Variants in PTPRK observed in about 807,000 individuals in gnomAD.
PTPRK encodes protein tyrosine phosphatase receptor type K.
PTPRK carries 75 observed loss-of-function variants against 178.0 expected under a neutral mutation model. The ratio of observed to expected loss-of-function variants is 0.42; its 90% CI spans 0.35 to 0.51. The LOEUF (loss-of-function observed/expected upper bound fraction) is 0.51, where lower values mean the gene tolerates loss of function less well. Among genes scored for constraint, PTPRK ranks in the 20% least tolerant of loss-of-function variants. The probability of loss-of-function intolerance (pLI) is 0.02; values close to 1 mark genes in which losing one functional copy is unlikely to be tolerated. For synonymous variants in PTPRK, 637 were observed against 620.6 expected (o/e 1.03, Z -0.39); for missense variants, 1,441 against 1,797.8 (o/e 0.80, Z 3.59).
intron 1 of PTPRK, among the ~76,000 whole-genome samples, chr6:128,493,421 G>A (rs1854149278): frequency 1.3e-5 from 2 of 151,892 alleles, no homozygotes; most frequent in Non-Finnish European, 1.5e-5. Context: ...AATTAGCTGG[G>A]CATGGTGGCA....
chr6:128,382,015 C>G (rs1232073693), intron 2 of PTPRK, among the ~76,000 whole-genome samples: 1 of 151,504 alleles, frequency 6.6e-6, no homozygotes, highest in Admixed American at 6.6e-5. Flanking sequence ...AACCCCATCT[C>G]TACAAAAAAA....
chr6:128,297,345 G>C (rs963124658), intron 3 of PTPRK, among the ~76,000 whole-genome samples: 2 of 152,120 alleles, frequency 1.3e-5, no homozygotes, highest in Admixed American at 6.6e-5. Context: ...GGATACCCAG[G>C]AATTGAACTC....
At chr6:128,114,977 C>T (rs995049552) in intron 7 of PTPRK, among the ~76,000 whole-genome samples, 4 of 149,748 alleles carry the variant, frequency 2.7e-5, no homozygotes, top group East Asian at 1.9e-4. Context: ...TCTTATTCTG[C>T]GATTAAAAAA....
In PTPRK at chr6:128,106,264, T is replaced by C. The variant is rs143759112; in HGVS notation, c.1163-16272A>G. On this transcript the variant is annotated intron_variant, in intron 7 of 29. Coordinates refer to ENST00000368226, the MANE Select transcript of PTPRK (RefSeq NM_002844.4). Reference sequence around the variant, plus strand: ...AGTGGTCCACTAGCATTATCACTTATAAAAATAAAACCCTTGAGAGTTTTG... The same window carrying C: ...AGTGGTCCACTAGCATTATCACTTACAAAAATAAAACCCTTGAGAGTTTTG... 1.8e-3 allele frequency among the ~76,000 whole-genome samples: 269 copies of C among 152,312 alleles called. 1 individual carries two copies. Among genetic ancestry groups the C allele is most frequent in the African/African-American group, 6.1e-3 (255 of 41,572 alleles).
At chr6:128,374,468 C>G (rs1176005837) in intron 2 of PTPRK, among the ~76,000 whole-genome samples, 1 of 152,090 alleles carries the variant, frequency 6.6e-6, no homozygotes, top group Non-Finnish European at 1.5e-5. Flanking sequence ...CAAACATCTG[C>G]CCCTCTCACA....
At position 128,078,810 on chromosome 6, in the gene PTPRK, T is replaced by C; in HGVS notation, c.1883+3A>G. On this transcript the variant is annotated splice_donor_region_variant and intron_variant, in intron 11 of 29. Coordinates refer to ENST00000368226, the MANE Select transcript of PTPRK (RefSeq NM_002844.4). ...CAGAACTACTGTAGTTTTCTCCTCT[T>C]ACCTGATAGGAGCACCTTTGGCTTG... The C allele has an allele frequency of 6.3e-7, 1 of 1,599,000 alleles. No individual in the cohort carries two copies. The highest frequency in any genetic ancestry group is 8.6e-7 in the Non-Finnish European group (1 of 1,166,958).
chr6:128,120,081 T>C (rs1380456993), intron 7 of PTPRK, among the ~76,000 whole-genome samples: 1 of 152,012 alleles, frequency 6.6e-6, no homozygotes, highest in African/African-American at 2.4e-5. Context: ...TGTTGTTAAC[T>C]AATTTCCCTG....
chr6:128,007,710 C>T (rs1460816596), intron 14 of PTPRK, among the ~76,000 whole-genome samples: 2 of 150,926 alleles, frequency 1.3e-5, no homozygotes, highest in Non-Finnish European at 3.0e-5. Context: ...CCAATTCTAG[C>T]TGAATGAGGA....
At chr6:128,377,224 G>A (rs902664800) in intron 2 of PTPRK, among the ~76,000 whole-genome samples, 4 of 152,186 alleles carry the variant, frequency 2.6e-5, no homozygotes, top group African/African-American at 4.8e-5. Context: ...GCAGGAAAAA[G>A]GGTTTAATGG....
At chr6:128,037,719 T>C (rs1776460324) in intron 13 of PTPRK, among the ~76,000 whole-genome samples, 1 of 152,170 alleles carries the variant, frequency 6.6e-6, no homozygotes, top group South Asian at 2.1e-4. Context: ...TTTGTGCTCA[T>C]GACAACAGAT....
chr6:128,004,496 G>C (rs1340878287), intron 15 of PTPRK, among the ~76,000 whole-genome samples: 1 of 151,700 alleles, frequency 6.6e-6, no homozygotes, highest in Non-Finnish European at 1.5e-5. Context: ...CAGATGGATG[G>C]ATGAATTTCA....
chr6:128,162,872 T>C (rs1260194398), intron 7 of PTPRK, among the ~76,000 whole-genome samples: 1 of 151,626 alleles, frequency 6.6e-6, no homozygotes. Context: ...TGCTACTTAT[T>C]TGAACACTGT....
rs147205862 is a variant in PTPRK at position 128,247,437 on chromosome 6, A to C, written c.496-4835T>G. Among the ~76,000 whole-genome samples the C allele has an allele frequency of 3.5e-3, 533 of 152,190 alleles. 2 individuals carry two copies. The highest frequency in any genetic ancestry group is 0.012 in the African/African-American group (506 of 41,522). ...CAGGTTCAAACAATTCTCGTGCTTCAGCCTCCCCAGTAGTTGGAATTATAG... is the reference window on the plus strand; with the variant it reads ...CAGGTTCAAACAATTCTCGTGCTTCCGCCTCCCCAGTAGTTGGAATTATAG... On this transcript the variant is annotated intron_variant, in intron 3 of 29. Coordinates refer to ENST00000368226, the MANE Select transcript of PTPRK (RefSeq NM_002844.4).
At chr6:128,333,552 A>AG (rs1830540308) in intron 2 of PTPRK, among the ~76,000 whole-genome samples, 1 of 151,556 alleles carries the variant, frequency 6.6e-6, no homozygotes, top group East Asian at 1.9e-4. Flanking sequence ...GCTAAAAAAA[A>AG]TGCTAACAAT....
At chr6:127,995,593 C>T (rs1156461210) in intron 17 of PTPRK, 55 bp from the exon 18 acceptor site, 7 of 1,105,448 alleles carry the variant, frequency 6.3e-6, no homozygotes, top group Non-Finnish European at 1.3e-6. Context: ...TGTTCTGAGA[C>T]AATGTCATTG....
intron 2 of PTPRK, among the ~76,000 whole-genome samples, chr6:128,337,734 G>A (rs1257299539): frequency 6.6e-6 from 1 of 152,130 alleles, no homozygotes; most frequent in African/African-American, 2.4e-5. Flanking sequence ...TGTGCCAAAT[G>A]AAACTGTGAT....
chr6:128,340,043 G>C (rs1321044946), intron 2 of PTPRK, among the ~76,000 whole-genome samples: 1 of 152,122 alleles, frequency 6.6e-6, no homozygotes, highest in African/African-American at 2.4e-5. Context: ...GAGTGGTGGT[G>C]AAAGAGGGTC....
In PTPRK at chr6:128,483,885, T is replaced by C. The variant is rs11964217; in HGVS notation, c.100+36374A>G. ...GCTTGCCATTGTCCTCTGGTGTGTA[T>C]AGATGATATCTTTTTATGAAAATAA... On this transcript the variant is annotated intron_variant, in intron 1 of 29. Transcript: ENST00000368226. 8.3e-3 allele frequency among the ~76,000 whole-genome samples: 1,265 copies of C among 152,286 alleles called. 25 individuals carry two copies. Among genetic ancestry groups the C allele is most frequent in the African/African-American group, 0.029 (1,194 of 41,556 alleles).
intron 1 of PTPRK, among the ~76,000 whole-genome samples, chr6:128,402,776 G>A (rs1404520469): frequency 6.6e-6 from 1 of 152,152 alleles, no homozygotes; most frequent in South Asian, 2.1e-4. Flanking sequence ...AAAATTCCAA[G>A]TAGATACAAG....
Sources: allele counts gnomAD v4.1 joint callset (sites outside exome capture counted in the v4.1 genomes callset), GRCh38; gene constraint gnomAD v4.1.1; transcripts MANE v1.5; gene names NCBI Gene and HGNC (gene_info 2026-07-23, HGNC 2026-07-21).